Variants in ADD3 observed in about 807,000 individuals in gnomAD.
The protein encoded by ADD3 is adducin 3, also known as gamma-adducin.
A neutral mutation model predicts 80.2 loss-of-function variants in ADD3; 25 were observed. The ratio of observed to expected loss-of-function variants is 0.31; its 90% confidence interval spans 0.23 to 0.44. The LOEUF (loss-of-function observed/expected upper bound fraction) is 0.44. Among genes scored for constraint, ADD3 ranks in the 20% least tolerant of loss-of-function variants. The pLI is 1.00. For synonymous variants in ADD3, 284 were observed against 289.6 expected (o/e 0.98, Z 0.20); for missense variants, 829 against 847.5 (o/e 0.98, Z 0.27).
chr10:110,114,291 A>G (rs1358117055), intron 3 of ADD3, among the ~76,000 whole-genome samples: 2 of 152,258 alleles, frequency 1.3e-5, no homozygotes, highest in African/African-American at 2.4e-5. Context: ...GTCAGAAATT[A>G]TGCTATTTTT....
At chr10:110,087,732 T>C (rs1040308406) in intron 1 of ADD3, among the ~76,000 whole-genome samples, 1 of 152,238 alleles carries the variant, frequency 6.6e-6, no homozygotes, top group Non-Finnish European at 1.5e-5. Context: ...ATTCACACTG[T>C]TGATGGTAAA....
intron 1 of ADD3, among the ~76,000 whole-genome samples, chr10:110,086,386 G>A (rs1460066228): frequency 6.6e-6 from 1 of 152,150 alleles, no homozygotes; most frequent in East Asian, 1.9e-4. Flanking sequence ...CTCCAGCCTG[G>A]GGACAGAGTG....
intron 1 of ADD3, among the ~76,000 whole-genome samples, chr10:110,031,425 A>C (rs1428179123): frequency 1.3e-5 from 2 of 152,242 alleles, no homozygotes; most frequent in East Asian, 3.8e-4. Context: ...AAACAGATTC[A>C]GATACATTGT....
chr10:110,027,384 A>G (rs1303133949), intron 1 of ADD3, among the ~76,000 whole-genome samples: 1 of 152,200 alleles, frequency 6.6e-6, no homozygotes, highest in East Asian at 1.9e-4. Flanking sequence ...TGTTCTCTCC[A>G]CCCCAAAATG....
At chr10:110,018,841 G>A (rs1168970883) in intron 1 of ADD3, among the ~76,000 whole-genome samples, 1 of 152,192 alleles carries the variant, frequency 6.6e-6, no homozygotes, top group African/African-American at 2.4e-5. Flanking sequence ...GTGAAGGGAG[G>A]GGATGGAGTG....
At chr10:110,002,015 G>A (rs1464112014), upstream of ADD3, among the ~76,000 whole-genome samples, 1 of 152,142 alleles carries the variant, frequency 6.6e-6, no homozygotes, top group Admixed American at 6.5e-5. Flanking sequence ...ATTCTTGGCT[G>A]GGTGTGGTGG....
intron 1 of ADD3, among the ~76,000 whole-genome samples, chr10:110,061,180 A>G (rs773445176): frequency 1.8e-4 from 28 of 152,230 alleles, no homozygotes; most frequent in African/African-American, 6.8e-4. Flanking sequence ...AGATGGAGCC[A>G]TGGTGTTCCA....
intron 1 of ADD3, among the ~76,000 whole-genome samples, chr10:110,008,618 A>G (rs989883857): frequency 2.6e-5 from 4 of 152,106 alleles, no homozygotes; most frequent in Admixed American, 2.0e-4. Flanking sequence ...TTCCCTAGGA[A>G]GGCGGGGAGT....
upstream of ADD3, among the ~76,000 whole-genome samples, chr10:110,003,302 G>GGGGGGGTGTGTGTGTGTGT (rs140966434): frequency 6.8e-6 from 1 of 146,940 alleles, no homozygotes; most frequent in Admixed American, 6.8e-5. Flanking sequence ...GAACAGTAAG[G>GGGGGGGTGTGTGTGTGTGT]GTGTGTGTGT....
chr10:110,022,395 A>G (rs1853783033), intron 1 of ADD3, among the ~76,000 whole-genome samples: 1 of 152,152 alleles, frequency 6.6e-6, no homozygotes. Context: ...ATCAAAGAGG[A>G]TGATACTGGG....
At chr10:110,066,022 A>G (rs1376917266) in intron 1 of ADD3, among the ~76,000 whole-genome samples, 1 of 151,836 alleles carries the variant, frequency 6.6e-6, no homozygotes, top group Non-Finnish European at 1.5e-5. Flanking sequence ...TTCCTTTCTC[A>G]TGCTTCTAAT....
At chr10:110,108,345 G>A (rs773122710) in intron 2 of ADD3, among the ~76,000 whole-genome samples, 33 of 152,164 alleles carry the variant, frequency 2.2e-4, no homozygotes, top group Non-Finnish European at 4.4e-4. Flanking sequence ...GTTGTATTTG[G>A]TTTCAGAGAT....
chr10:109,998,316 CTT>C (rs1226542926), intron 1 of ADD3, among the ~76,000 whole-genome samples: 5 of 152,176 alleles, frequency 3.3e-5, no homozygotes, highest in African/African-American at 9.6e-5. Context: ...TGAGTCCTCT[CTT>C]TCTCTCCTTT....
chr10:110,006,029 G>C (rs992099890), upstream of ADD3: 21 of 243,000 alleles, frequency 8.6e-5, no homozygotes, highest in Non-Finnish European at 3.3e-5. Flanking sequence ...TGCTGCTGCT[G>C]CTGTTGGTCT....
At chr10:110,028,589 C>A (rs1854594034) in intron 1 of ADD3, among the ~76,000 whole-genome samples, 1 of 151,870 alleles carries the variant, frequency 6.6e-6, no homozygotes, top group South Asian at 2.1e-4. Flanking sequence ...AATAAATAGC[C>A]CATTTACAAA....
Position 110,116,241 on chromosome 10 carries a change from C to T in ADD3, c.335-18C>T. ...ATTGCATGACTCGTATCTCTCTCCA[C>T]ATTTTTTGCTCTTTTAGGTCTTGGC... On this transcript the variant is annotated intron_variant, in intron 3 of 14. Transcript: ENST00000356080. The T allele has an allele frequency of 6.2e-7, 1 of 1,612,452 alleles. No homozygotes were observed. The highest frequency in any genetic ancestry group is 8.5e-7 in the Non-Finnish European group (1 of 1,179,166).
At chr10:110,042,991 G>A (rs1054852183) in intron 1 of ADD3, among the ~76,000 whole-genome samples, 9 of 152,088 alleles carry the variant, frequency 5.9e-5, no homozygotes, top group African/African-American at 7.2e-5. Flanking sequence ...TAATGATCAC[G>A]TATTTCAGCT....
intron 1 of ADD3, among the ~76,000 whole-genome samples, chr10:110,086,280 C>CGT (rs1364759037): frequency 6.6e-6 from 1 of 151,892 alleles, no homozygotes; most frequent in Non-Finnish European, 1.5e-5. Flanking sequence ...CATGGTGGCA[C>CGT]GTGCCTGTAG....
chr10:110,014,962 C>T (rs1852776397), intron 1 of ADD3, among the ~76,000 whole-genome samples: 1 of 151,960 alleles, frequency 6.6e-6, no homozygotes, highest in African/African-American at 2.4e-5. Context: ...CAACCTCCGA[C>T]TCCCTGGTTC....
Sources: allele counts gnomAD v4.1 joint callset (sites outside exome capture counted in the v4.1 genomes callset), GRCh38; gene constraint gnomAD v4.1.1; transcripts MANE v1.5; gene names NCBI Gene and HGNC (gene_info 2026-07-23, HGNC 2026-07-21).